Variants in KHDRBS2 observed in about 807,000 individuals in gnomAD.
KHDRBS2 encodes the protein KH RNA binding domain containing, signal transduction associated 2.
Under a neutral mutation model 44.3 loss-of-function variants are expected in KHDRBS2, and 26 were observed. That is an observed-to-expected ratio of 0.59 (90% CI 0.43 to 0.81). The LOEUF is 0.81. Among genes scored for constraint, KHDRBS2 ranks in the 40% least tolerant of loss-of-function variants. The probability of loss-of-function intolerance (pLI) is 0.00; values close to 1 mark genes in which losing one functional copy is unlikely to be tolerated. For missense variants in KHDRBS2, 476 were observed against 433.1 expected, an observed-to-expected ratio of 1.10 and a Z score of -0.88; for synonymous variants, 194 against 151.1, an observed-to-expected ratio of 1.28 and a Z score of -2.08.
intron 1 of KHDRBS2, among the ~76,000 whole-genome samples, chr6:62,228,330 C>A (rs1318371370): frequency 6.6e-6 from 1 of 152,150 alleles, no homozygotes; most frequent in Non-Finnish European, 1.5e-5. Context: ...ATAGTACTCT[C>A]TGATGGTAGT....
At chr6:61,756,783 A>G (rs1209246228) in intron 6 of KHDRBS2, among the ~76,000 whole-genome samples, 2 of 152,184 alleles carry the variant, frequency 1.3e-5, no homozygotes, top group Non-Finnish European at 2.9e-5. Context: ...TGCACCAGTG[A>G]AACTATCACC....
intron 6 of KHDRBS2, among the ~76,000 whole-genome samples, chr6:61,778,066 A>T (rs2127580254): frequency 6.6e-6 from 1 of 152,266 alleles, no homozygotes; most frequent in Middle Eastern, 3.4e-3. Context: ...CTCCTATTCA[A>T]CATAGTATTG....
chr6:61,618,148 G>T, the KHDRBS2 span, among the ~76,000 whole-genome samples: 13 of 152,152 alleles, frequency 8.5e-5, no homozygotes, highest in Admixed American at 2.6e-4. Context: ...AGGCAAATCA[G>T]TCTGAATGCC....
At chr6:61,618,188 T>C in the KHDRBS2 span, among the ~76,000 whole-genome samples, 1 of 152,160 alleles carries the variant, frequency 6.6e-6, no homozygotes, top group Non-Finnish European at 1.5e-5. Context: ...ATAGAGACTC[T>C]ACCTTTTGTG....
At chr6:61,898,928 T>G (rs920749268) in intron 5 of KHDRBS2, among the ~76,000 whole-genome samples, 4 of 151,982 alleles carry the variant, frequency 2.6e-5, no homozygotes, top group Non-Finnish European at 4.4e-5. Context: ...ATTGGGTAAT[T>G]AATGAATGCA....
intron 6 of KHDRBS2, among the ~76,000 whole-genome samples, chr6:61,807,808 C>A (rs749257403): frequency 1.3e-5 from 2 of 151,924 alleles, no homozygotes; most frequent in Non-Finnish European, 2.9e-5. Flanking sequence ...TGCACATGTA[C>A]CCCTGAACCT....
At chr6:62,120,791 C>T (rs963009566) in intron 2 of KHDRBS2, among the ~76,000 whole-genome samples, 2 of 152,102 alleles carry the variant, frequency 1.3e-5, no homozygotes, top group African/African-American at 2.4e-5. Context: ...TTTACAGACC[C>T]AGAACCCCTT....
intron 6 of KHDRBS2, among the ~76,000 whole-genome samples, chr6:61,869,283 C>T (rs925010547): frequency 9.9e-5 from 15 of 152,110 alleles, no homozygotes; most frequent in Admixed American, 7.9e-4. Context: ...ACACAATTTT[C>T]TATTGTTTTT....
chr6:61,581,654 A>G, the KHDRBS2 span, among the ~76,000 whole-genome samples: 1 of 148,958 alleles, frequency 6.7e-6, no homozygotes, highest in Non-Finnish European at 1.5e-5. Context: ...AGTTAAAAAT[A>G]TAAGACAACT....
chr6:61,673,883 C>A, the KHDRBS2 span, among the ~76,000 whole-genome samples: 1 of 149,014 alleles, frequency 6.7e-6, no homozygotes, highest in African/African-American at 2.5e-5. Context: ...CCATCCCCAT[C>A]AAGCTACCAA....
In KHDRBS2 at chr6:62,199,240, C is replaced by T. The variant is rs142560250; in HGVS notation, c.92-21928G>A. ...ATAGTGTTGGAAGTTCTGGCCAGGG[C>T]AATCAGGCAGGAGAAGGAAATAAAG... On this transcript the variant is annotated intron_variant, in intron 1 of 8. Coordinates refer to ENST00000281156, the MANE Select transcript of KHDRBS2 (RefSeq NM_152688.4). Among the ~76,000 whole-genome samples the T allele has an allele frequency of 5.3e-3, 807 of 152,000 alleles. 4 individuals are homozygous for T. The highest frequency in any genetic ancestry group is 8.0e-3 in the Non-Finnish European group (542 of 67,972).
intron 1 of KHDRBS2, among the ~76,000 whole-genome samples, chr6:62,201,601 T>C (rs1272052724): frequency 6.6e-6 from 1 of 152,088 alleles, no homozygotes; most frequent in Non-Finnish European, 1.5e-5. Flanking sequence ...GAAAAATACA[T>C]GCTTCTTACA....
chr6:61,729,366 T>C lies in KHDRBS2; in HGVS notation c.893+3316A>G, dbSNP rs61091953. ...GGAGAGGATCAGGAAAAAGAACTGA[T>C]GGTACGAGGCTTAATACCTGGGTGA... On this transcript the variant is annotated intron_variant, in intron 7 of 8. Transcript: ENST00000281156. Among the ~76,000 whole-genome samples, 671 of 152,182 alleles carry C rather than the reference T, an allele frequency of 4.4e-3. 9 individuals are homozygous for C. The highest frequency in any genetic ancestry group is 0.016 in the African/African-American group (644 of 41,534).
chr6:61,917,006 A>G (rs1441414813), intron 4 of KHDRBS2, among the ~76,000 whole-genome samples: 1 of 143,338 alleles, frequency 7.0e-6, no homozygotes, highest in East Asian at 2.1e-4. Context: ...GGGGATTCAA[A>G]ATGATATTGA....
the KHDRBS2 span, among the ~76,000 whole-genome samples, chr6:61,609,352 CT>C: frequency 6.6e-6 from 1 of 152,158 alleles, no homozygotes; most frequent in Non-Finnish European, 1.5e-5. Context: ...GAGCGAAACT[CT>C]GTCTCAAAAT....
intron 6 of KHDRBS2, among the ~76,000 whole-genome samples, chr6:61,759,898 C>T (rs1779028863): frequency 6.6e-6 from 1 of 152,160 alleles, no homozygotes; most frequent in South Asian, 2.1e-4. Flanking sequence ...CCAGAACATG[C>T]TGTGTTTTAA....
chr6:61,824,072 G>T (rs1790443783), intron 6 of KHDRBS2, among the ~76,000 whole-genome samples: 1 of 152,060 alleles, frequency 6.6e-6, no homozygotes, highest in African/African-American at 2.4e-5. Flanking sequence ...GACTTTAAAA[G>T]TTCAAAGAGT....
intron 6 of KHDRBS2, among the ~76,000 whole-genome samples, chr6:61,785,105 G>C (rs1229351182): frequency 6.6e-6 from 1 of 151,780 alleles, no homozygotes; most frequent in Non-Finnish European, 1.5e-5. Context: ...AGTCATAATC[G>C]TGACACTATA....
chr6:62,154,042 G>A (rs1815830666), intron 2 of KHDRBS2, among the ~76,000 whole-genome samples: 1 of 152,144 alleles, frequency 6.6e-6, no homozygotes, highest in African/African-American at 2.4e-5. Flanking sequence ...TTATTATTGA[G>A]TTAATCATCT....
Sources: gnomAD v4.1 joint callset for allele counts (sites outside exome capture counted in the v4.1 genomes callset) on GRCh38, gnomAD v4.1.1 for gene constraint, MANE v1.5 for transcripts, NCBI Gene and HGNC (gene_info 2026-07-23, HGNC 2026-07-21) for gene names.